The following SF3B3 variants were observed in gnomAD, a reference collection of about 807,000 sequenced individuals.
SF3B3 encodes SAP 130.
SF3B3 carries 33 observed loss-of-function variants against 139.2 expected under a neutral mutation model. The ratio of observed to expected loss-of-function variants is 0.24; its 90% CI spans 0.18 to 0.32. SF3B3 has a LOEUF of 0.32. Ranked by LOEUF, SF3B3 falls within the 10% of genes least tolerant of loss-of-function variation. SF3B3 has a pLI of 1.00. For missense variants in SF3B3, 818 were observed against 1,509.4 expected (o/e 0.54, Z 7.59); for synonymous variants, 596 against 563.6 (o/e 1.06, Z -0.81).
chr16:70,564,365 C>G (rs960142737), intron 18 of SF3B3, among the ~76,000 whole-genome samples: 4 of 152,180 alleles, frequency 2.6e-5, no homozygotes, highest in African/African-American at 9.7e-5. Context: ...ACACGAGACT[C>G]TATCAAAAGT....
intron 2 of SF3B3, among the ~76,000 whole-genome samples, chr16:70,527,430 G>C (rs1235376460): frequency 6.6e-6 from 1 of 152,174 alleles, no homozygotes; most frequent in Non-Finnish European, 1.5e-5. Flanking sequence ...ATTGTGTAGA[G>C]TAAGACATAA....
intron 10 of SF3B3, among the ~76,000 whole-genome samples, chr16:70,546,467 C>T (rs950359435): frequency 1.3e-5 from 2 of 152,148 alleles, no homozygotes; most frequent in Non-Finnish European, 2.9e-5. Flanking sequence ...GCCTGGCCAA[C>T]ATGGTGAAAC....
Position 70,535,326 on chromosome 16 carries a change from G to A in SF3B3, c.731G>A (p.Gly244Asp). ...FLITVPGGSD[G>D]PSGVLICSEN... ...CTCACAGTTCCAGGAGGGTCAGATG[G>A]TCCAAGTGGAGTACTGATCTGCTCT... Residue 244 changes from glycine to aspartate, a missense_variant, in exon 6 of 26, where the codon GGT (glycine) becomes GAT (aspartate). Physicochemically the swap from Gly to Asp is moderately conservative, Grantham distance 94. Around this residue, in one of 14 missense-constraint regions of SF3B3, gnomAD observed 80 missense variants for 206.5 expected, o/e 0.39. Transcript: ENST00000302516. The A allele has an allele frequency of 6.3e-7, 1 of 1,587,464 alleles. No homozygotes were observed. Among genetic ancestry groups the A allele is most frequent in the Non-Finnish European group, 8.6e-7 (1 of 1,165,252 alleles).
intron 6 of SF3B3, among the ~76,000 whole-genome samples, chr16:70,537,335 C>A (rs1326215595): frequency 6.6e-6 from 1 of 152,052 alleles, no homozygotes; most frequent in Admixed American, 6.6e-5. Flanking sequence ...GGTATTGTTT[C>A]TTTTTTGGTA....
At chr16:70,535,557 T>A in intron 6 of SF3B3, 137 bp downstream of exon 6, 1 of 436,812 alleles carries the variant, frequency 2.3e-6, no homozygotes, top group Non-Finnish European at 4.1e-6. Flanking sequence ...GGGACGTAAA[T>A]GTTGTTTTTA....
intron 6 of SF3B3, chr16:70,538,023 C>A (rs1555499615): frequency 1.7e-6 from 1 of 579,520 alleles, no homozygotes; most frequent in South Asian, 1.4e-5. Context: ...AATGATGACT[C>A]TTTAAAAAAT....
chr16:70,532,149 A>G (rs535567938), intron 4 of SF3B3, among the ~76,000 whole-genome samples: 10 of 152,200 alleles, frequency 6.6e-5, no homozygotes, highest in African/African-American at 1.9e-4. Context: ...AAAATTAGCC[A>G]GGCGTGGTGG....
At chr16:70,526,856 T>A in intron 2 of SF3B3, 130 bp downstream of exon 2, 1 of 661,936 alleles carries the variant, frequency 1.5e-6, no homozygotes, top group Non-Finnish European at 2.6e-6. Flanking sequence ...ATTCAAATTA[T>A]GAGATGAGGT....
rs541459533 is a variant in SF3B3, at chr16:70,572,932, G to T, written c.*1119G>T. Reference sequence around the variant, plus strand: ...GTCCTTGCGCCTTGAACCTGGAGAAGTGAGCTCACTGTTCTCAATACTTCA... The same window carrying T: ...GTCCTTGCGCCTTGAACCTGGAGAATTGAGCTCACTGTTCTCAATACTTCA... On this transcript the variant is annotated 3_prime_UTR_variant, in exon 26 of 26. Transcript: ENST00000302516. 2 of 152,348 alleles carry T rather than the reference G, an allele frequency of 1.3e-5. No individual in the cohort carries two copies. The highest frequency in any genetic ancestry group is 2.1e-4 in the South Asian group (1 of 4,828). The allele number at this position is 152,348 out of a possible 1,614,324, so 9.4% of individuals were successfully genotyped here.
At chr16:70,558,341 C>T (rs745602701) in intron 15 of SF3B3, among the ~76,000 whole-genome samples, 5 of 151,252 alleles carry the variant, frequency 3.3e-5, no homozygotes, top group Non-Finnish European at 7.4e-5. Flanking sequence ...GTCTTGAACT[C>T]CTGGCCTCAA....
chr16:70,552,921 TG>T (rs1196012620), intron 11 of SF3B3, among the ~76,000 whole-genome samples: 1 of 152,210 alleles, frequency 6.6e-6, no homozygotes, highest in Non-Finnish European at 1.5e-5. Flanking sequence ...ACATCTTTTT[TG>T]TTTGTTTTGA....
intron 13 of SF3B3, 88 bp downstream of exon 13, chr16:70,555,294 A>G (rs980630610): frequency 1.9e-5 from 24 of 1,255,152 alleles, no homozygotes; most frequent in African/African-American, 1.3e-4. Context: ...AGATGATAGT[A>G]TGGTGAAATC....
intron 12 of SF3B3, 45 bp downstream of exon 12, chr16:70,554,642 C>T: frequency 6.2e-7 from 1 of 1,604,228 alleles, no homozygotes; most frequent in Non-Finnish European, 8.5e-7. Flanking sequence ...TTTGTTCTTT[C>T]TTGGCCTTCA....
intron 10 of SF3B3, among the ~76,000 whole-genome samples, chr16:70,545,112 T>A (rs1382465091): frequency 6.6e-6 from 1 of 152,232 alleles, no homozygotes; most frequent in African/African-American, 2.4e-5. Context: ...TCTCCCATGC[T>A]GGAGTGCAGT....
At chr16:70,537,749 C>A (rs527882576) in intron 6 of SF3B3, among the ~76,000 whole-genome samples, 1 of 152,256 alleles carries the variant, frequency 6.6e-6, no homozygotes, top group African/African-American at 2.4e-5. Context: ...GCAGAGCTTA[C>A]TCGGTGGGAG....
chr16:70,570,934 C>T (rs1379389896), intron 24 of SF3B3, among the ~76,000 whole-genome samples, 161 bp from the exon 25 acceptor site: 7 of 152,276 alleles, frequency 4.6e-5, no homozygotes, highest in South Asian at 4.1e-4. Context: ...GTTTAACTAT[C>T]GTGTTGTAGC....
At chr16:70,556,123 A>G (rs2050377797) in intron 13 of SF3B3, 56 bp from the exon 14 acceptor site, 1 of 1,571,038 alleles carries the variant, frequency 6.4e-7, no homozygotes, top group Non-Finnish European at 8.7e-7. Flanking sequence ...GGTGAATTGG[A>G]GCATCTAGAC....
intron 21 of SF3B3, among the ~76,000 whole-genome samples, 186 bp from the exon 22 acceptor site, chr16:70,568,097 C>T (rs138410892): frequency 1.3e-5 from 2 of 152,300 alleles, no homozygotes; most frequent in East Asian, 3.9e-4. Flanking sequence ...GAGAGTTAGG[C>T]ATATATTTGC....
intron 11 of SF3B3, chr16:70,548,654 T>C (rs1375662025): frequency 1.8e-6 from 1 of 546,708 alleles, no homozygotes; most frequent in African/African-American, 1.9e-5. Context: ...GGAACATAGG[T>C]TGGCTGTTAT....
Sources: allele counts gnomAD v4.1 joint callset (sites outside exome capture counted in the v4.1 genomes callset), GRCh38; gene constraint gnomAD v4.1.1; regional missense constraint gnomAD v4.1.1; transcripts MANE v1.5; gene names NCBI Gene and HGNC (gene_info 2026-07-23, HGNC 2026-07-21).